Variants in GRIP1 observed in about 807,000 individuals in gnomAD.
The protein encoded by GRIP1 is glutamate receptor-interacting protein 1.
In GRIP1, 45 loss-of-function variants were observed where a neutral mutation model predicts 129.9. The observed-to-expected ratio is 0.35, with a 90% CI of 0.27 to 0.44. GRIP1 has a LOEUF of 0.44. GRIP1 is among the 20% of genes least tolerant of loss of function. GRIP1 has a pLI of 1.00. For missense variants in GRIP1, 1,196 were observed against 1,396.8 expected (o/e 0.86, Z 2.29); for synonymous variants, 530 against 520.8 (o/e 1.02, Z -0.24).
intron 1 of GRIP1, among the ~76,000 whole-genome samples, chr12:66,746,368 A>C (rs1341856187): frequency 1.3e-5 from 2 of 152,322 alleles, no homozygotes; most frequent in African/African-American, 4.8e-5. Context: ...CAGCATTGGC[A>C]TCTCCTGGAA....
chr12:66,629,767 A>G (rs1225080048), intron 1 of GRIP1, among the ~76,000 whole-genome samples: 5 of 152,220 alleles, frequency 3.3e-5, no homozygotes, highest in African/African-American at 4.8e-5. Flanking sequence ...ATATACATAG[A>G]GCCTTCATTT....
intron 19 of GRIP1, 77 bp from the exon 20 acceptor site, chr12:66,379,513 G>T: frequency 1.4e-6 from 2 of 1,415,202 alleles, no homozygotes; most frequent in Non-Finnish European, 2.0e-6. Flanking sequence ...TTAACCAGTA[G>T]AGGAGTCAAA....
intron 2 of GRIP1, among the ~76,000 whole-genome samples, chr12:66,591,071 T>C (rs1234400703): frequency 6.6e-6 from 1 of 152,124 alleles, no homozygotes; most frequent in Non-Finnish European, 1.5e-5. Flanking sequence ...GTGAACAAGA[T>C]ATAGAGGACC....
At chr12:66,718,475 T>C (rs139468671) in intron 1 of GRIP1, among the ~76,000 whole-genome samples, 8 of 152,292 alleles carry the variant, frequency 5.3e-5, no homozygotes, top group African/African-American at 1.7e-4. Context: ...AGAACATAGG[T>C]ATTTCCATGA....
chr12:66,993,991 C>T (rs934882951), intron 1 of GRIP1, among the ~76,000 whole-genome samples: 7 of 151,992 alleles, frequency 4.6e-5, no homozygotes, highest in African/African-American at 9.7e-5. Context: ...GGATCTATAA[C>T]AACTAAAGCA....
intron 1 of GRIP1, among the ~76,000 whole-genome samples, chr12:66,755,074 A>T (rs901870776): frequency 1.6e-4 from 25 of 152,212 alleles, no homozygotes; most frequent in African/African-American, 5.8e-4. Context: ...CTAGTAAAAC[A>T]AAAGAAAGTG....
intron 1 of GRIP1, among the ~76,000 whole-genome samples, chr12:66,830,133 T>C (rs993962625): frequency 6.6e-6 from 1 of 152,176 alleles, no homozygotes; most frequent in Non-Finnish European, 1.5e-5. Context: ...ATTTTAAATG[T>C]GTCATATCCA....
chr12:66,357,260 T>C (rs1565660733), intron 23 of GRIP1, among the ~76,000 whole-genome samples: 1 of 152,176 alleles, frequency 6.6e-6, no homozygotes, highest in African/African-American at 2.4e-5. Flanking sequence ...GTCTGTTAAA[T>C]CTCCTCTTAC....
intron 1 of GRIP1, among the ~76,000 whole-genome samples, chr12:67,021,805 A>G (rs1465808736): frequency 6.6e-6 from 1 of 151,986 alleles, no homozygotes; most frequent in East Asian, 1.9e-4. Flanking sequence ...CTATCCCCCC[A>G]TTCCCTTTTC....
At chr12:66,610,746 CAGA>C (rs1486051505) in intron 1 of GRIP1, among the ~76,000 whole-genome samples, 1 of 152,020 alleles carries the variant, frequency 6.6e-6, no homozygotes, top group Admixed American at 6.6e-5. Context: ...TGTAAAAGAA[CAGA>C]AGAATAGCTA....
intron 1 of GRIP1, among the ~76,000 whole-genome samples, chr12:66,631,278 A>C (rs2030749313): frequency 6.6e-6 from 1 of 152,116 alleles, no homozygotes. Context: ...CAAATCAGGA[A>C]AGCTAATATT....
At chr12:66,446,094 G>GCCACCCCCCCCCCC (rs1555185775) in intron 11 of GRIP1, among the ~76,000 whole-genome samples, 5 of 140,400 alleles carry the variant, frequency 3.6e-5, no homozygotes, top group African/African-American at 1.4e-4. Context: ...CATTCCTCCT[G>GCCACCCCCCCCCCC]CCGCCCCCCA....
At chr12:66,357,297 T>C (rs917216498) in intron 23 of GRIP1, among the ~76,000 whole-genome samples, 15 of 152,336 alleles carry the variant, frequency 9.8e-5, no homozygotes, top group Admixed American at 8.5e-4. Flanking sequence ...TCCTTCCCCC[T>C]GTGCTGCTGA....
intron 1 of GRIP1, among the ~76,000 whole-genome samples, chr12:66,863,849 T>TC (rs1014529069): frequency 6.6e-6 from 1 of 152,140 alleles, no homozygotes; most frequent in Non-Finnish European, 1.5e-5. Context: ...TGAACCTGTC[T>TC]CCTCACAGAC....
chr12:66,958,450 TTTC>T (rs747652976), intron 1 of GRIP1, among the ~76,000 whole-genome samples: 68 of 152,284 alleles, frequency 4.5e-4, no homozygotes, highest in Non-Finnish European at 7.5e-4. Flanking sequence ...TTTTGAAGAC[TTTC>T]TTACTTTGTG....
intron 1 of GRIP1, among the ~76,000 whole-genome samples, chr12:66,793,547 G>A (rs1440364504): frequency 6.6e-6 from 1 of 152,186 alleles, no homozygotes; most frequent in African/African-American, 2.4e-5. Flanking sequence ...AACGTACTGA[G>A]AAGAACATTC....
At chr12:66,908,988 C>G (rs143229504) in intron 1 of GRIP1, among the ~76,000 whole-genome samples, 2 of 152,330 alleles carry the variant, frequency 1.3e-5, no homozygotes, top group Non-Finnish European at 2.9e-5. Flanking sequence ...ATGCACCCAG[C>G]ACCAAACACC....
In GRIP1 at chr12:66,458,538, C is replaced by A. The variant is rs553056867; in HGVS notation, c.1043-2196G>T. Among the ~76,000 whole-genome samples, 9 of 152,314 alleles carry A rather than the reference C, an allele frequency of 5.9e-5. No homozygotes were observed. In the East Asian group the frequency reaches 9.6e-4, roughly 16 times the overall value. On this transcript the variant is annotated intron_variant, in intron 9 of 24. Coordinates refer to ENST00000359742, the MANE Select transcript of GRIP1 (RefSeq NM_001366722.1). Reference sequence around the variant, plus strand: ...TAGCTGGGATTATAGGTGCCCACCACCACGCCCAGCTAATTTTTGTATTTT... The same window carrying A: ...TAGCTGGGATTATAGGTGCCCACCAACACGCCCAGCTAATTTTTGTATTTT...
intron 1 of GRIP1, among the ~76,000 whole-genome samples, chr12:67,031,394 C>T (rs529585767): frequency 1.3e-5 from 2 of 152,270 alleles, no homozygotes; most frequent in East Asian, 1.9e-4. Context: ...TTTCATCACC[C>T]GAAGACAGTC....
Sources: gnomAD v4.1 joint callset for allele counts (sites outside exome capture counted in the v4.1 genomes callset) on GRCh38, gnomAD v4.1.1 for gene constraint, MANE v1.5 for transcripts, NCBI Gene and HGNC (gene_info 2026-07-23, HGNC 2026-07-21) for gene names.